FLT3: variants seen among roughly 807,000 people sequenced by gnomAD.
FLT3 encodes the protein receptor-type tyrosine-protein kinase FLT3.
A neutral mutation model predicts 126.6 loss-of-function variants in FLT3; 46 were observed. That is an observed-to-expected ratio of 0.36 (90% CI 0.29 to 0.46). FLT3 has a LOEUF of 0.46. FLT3 is among the 20% of genes least tolerant of loss of function. The pLI, the probability that FLT3 is intolerant of heterozygous loss-of-function variation, is 1.00. For missense variants in FLT3, 1,069 were observed against 1,190.3 expected, an observed-to-expected ratio of 0.90 and a Z score of 1.50; for synonymous variants, 404 against 434.4, an observed-to-expected ratio of 0.93 and a Z score of 0.87.
At chr13:28,082,127 A>C (rs1878364269) in intron 1 of FLT3, among the ~76,000 whole-genome samples, 1 of 150,140 alleles carries the variant, frequency 6.7e-6, no homozygotes. Flanking sequence ...AAGTGCTGGG[A>C]TTATAGGCGT....
chr13:28,019,247 G>A (rs572941377), intron 19 of FLT3, among the ~76,000 whole-genome samples: 6 of 152,268 alleles, frequency 3.9e-5, no homozygotes, highest in South Asian at 2.1e-4. Context: ...GATTGCAGGC[G>A]TGAGCCACCG....
In FLT3 at chr13:28,015,179, G is replaced by A; in HGVS notation, c.2731C>T (p.Pro911Ser). The change falls in exon 22 of 24, where the codon CCA (proline) becomes TCA (serine). Residue 911 changes from proline (P) to serine (S), a missense_variant. By Grantham distance (74) the Pro-to-Ser change is moderately conservative. Transcript: ENST00000241453. ...TACATTTCTTCTGTAGCATAAAATG[G>A]CTGATCCATTTTAAATCCATTTTGA... ...LIQNGFKMDQ[P>S]FYATEEIYII... The A allele has an allele frequency of 6.2e-7, 1 of 1,605,580 alleles. No homozygotes were observed.
At chr13:28,034,944 C>A (rs367967139) in intron 12 of FLT3, among the ~76,000 whole-genome samples, 18 of 149,126 alleles carry the variant, frequency 1.2e-4, no homozygotes, top group African/African-American at 9.9e-5. Flanking sequence ...GTCTCCATCT[C>A]AAAAAAAAAA....
At position 28,036,164 on chromosome 13, in the gene FLT3, C is replaced by G. The variant is rs190701019; in HGVS notation, c.1310-121G>C. ...CTTGGGCCAAGGAGTTCAAGACCAG[C>G]CTGGGCAACACAGCAAGACCCTGTC... is the stretch of plus-strand genomic sequence containing the variant. On this transcript the variant is annotated intron_variant, in intron 10 of 23. Coordinates refer to ENST00000241453, the MANE Select transcript of FLT3 (RefSeq NM_004119.3). The G allele has an allele frequency of 2.5e-3, 1,908 of 754,666 alleles. 8 individuals carry two copies. The highest frequency in any genetic ancestry group is 2.5e-3 in the Non-Finnish European group (1,051 of 422,764). 46.7% of individuals were successfully genotyped at this position (754,666 alleles called of 1,614,324 possible). A position where few individuals can be genotyped will look rare whatever the true frequency, so the allele number is the denominator to read the frequency against.
chr13:28,073,146 G>A (rs1305747712), intron 1 of FLT3, among the ~76,000 whole-genome samples: 1 of 152,048 alleles, frequency 6.6e-6, no homozygotes, highest in South Asian at 2.1e-4. Context: ...TTTGAGACCA[G>A]CCTGGGCAAC....
At chr13:28,077,874 C>T (rs542281550) in intron 1 of FLT3, among the ~76,000 whole-genome samples, 1 of 152,134 alleles carries the variant, frequency 6.6e-6, no homozygotes, top group African/African-American at 2.4e-5. Context: ...GAGAAATTGG[C>T]CAAAACAAAG....
At chr13:28,059,667 T>A (rs1253746644) in intron 3 of FLT3, among the ~76,000 whole-genome samples, 3 of 152,162 alleles carry the variant, frequency 2.0e-5, no homozygotes, top group East Asian at 1.9e-4. Context: ...AATTTTTTTT[T>A]AAAGAATTTC....
At chr13:28,098,578 A>C (rs1445175442) in intron 1 of FLT3, among the ~76,000 whole-genome samples, 1 of 152,170 alleles carries the variant, frequency 6.6e-6, no homozygotes, top group Non-Finnish European at 1.5e-5. Flanking sequence ...ACCAAACCTG[A>C]ACATATCCCT....
chr13:28,036,122 C>T, intron 10 of FLT3, 79 bp from the exon 11 acceptor site: 1 of 1,218,746 alleles, frequency 8.2e-7, no homozygotes, highest in Non-Finnish European at 1.2e-6. Flanking sequence ...CTTTGTGAAG[C>T]CAAGGTGGGA....
At chr13:28,015,781 A>T in intron 20 of FLT3, 80 bp from the exon 21 acceptor site, 1 of 829,418 alleles carries the variant, frequency 1.2e-6, no homozygotes, top group Non-Finnish European at 2.1e-6. Flanking sequence ...TTAAGATGAA[A>T]TGCATCATCT....
intron 2 of FLT3, among the ~76,000 whole-genome samples, chr13:28,064,908 A>C (rs1302938946): frequency 1.3e-5 from 2 of 152,206 alleles, no homozygotes. Context: ...TCATAATTGC[A>C]AAATACTGAA....
At chr13:28,035,861 G>A (rs1315080516) in intron 11 of FLT3, 74 bp downstream of exon 11, 35 of 1,284,864 alleles carry the variant, frequency 2.7e-5, no homozygotes, top group Non-Finnish European at 3.0e-5. Flanking sequence ...CTCTTAAACT[G>A]TATTCATGAA....
intron 1 of FLT3, among the ~76,000 whole-genome samples, chr13:28,073,776 T>C (rs956112871): frequency 6.9e-6 from 1 of 144,270 alleles, no homozygotes; most frequent in African/African-American, 2.5e-5. Context: ...TCTACAAAAA[T>C]TTGTTTTTAA....
Position 28,100,135 on chromosome 13 carries a change from G to C in FLT3, c.43+333C>G, listed in dbSNP as rs916419050. 2.4e-4 allele frequency among the ~76,000 whole-genome samples: 36 copies of C among 152,102 alleles called. No homozygotes were observed. Among genetic ancestry groups the C allele is most frequent in the African/African-American group, 8.0e-4 (33 of 41,444 alleles). ...GACTCCCACGGACGGCCCAGCACCC[G>C]AGCGCGCGGGCCGAGCTGCCCCAGA... On this transcript the variant is annotated intron_variant, in intron 1 of 23. Transcript: ENST00000241453. This position sits in a 1 kb window ranked among gnomAD's most constrained non-coding sequence, Gnocchi z 4.8.
Position 28,049,526 on chromosome 13 carries a change from A to C in FLT3, c.894T>G (p.Phe298Leu), listed in dbSNP as rs377689782. The change falls in exon 8 of 24, where the codon TTT becomes TTG. Residue 298 changes from phenylalanine to leucine, a missense_variant. Physicochemically the swap from Phe to Leu is conservative, Grantham distance 22. Coordinates refer to ENST00000241453, the MANE Select transcript of FLT3 (RefSeq NM_004119.3). ...ENKALEEGNY[F>L]EMSTYSTNRT... is the part of the protein sequence containing the mutation. The stretch of plus-strand genomic sequence containing the variant: ...TGTTTGTTGAATAGGTACTCATCTC[A>C]AAGTAGTTGCCCTAGGTTTTAATAA... The C allele has an allele frequency of 1.1e-5, 18 of 1,613,664 alleles. No individual in the cohort carries two copies. In the African/African-American group the frequency reaches 2.4e-4, roughly 22 times the overall value.
Position 28,070,565 on chromosome 13 carries a change from G to T in FLT3, c.91C>A (p.Pro31Thr). The T allele has an allele frequency of 6.2e-7, 1 of 1,602,510 alleles. No individual in the cohort carries two copies. The highest frequency in any genetic ancestry group is 8.5e-7 in the Non-Finnish European group (1 of 1,170,200). ...TTGATTAAAACACACTTGATCACAG[G>T]CAGATCTTGATTTGTAATAGTCCCA... ...IFGTITNQDLPVIKCVLINHK... is the reference protein window; with the variant it reads ...IFGTITNQDLTVIKCVLINHK... The change falls in exon 2 of 24, where the codon CCT becomes ACT. Residue 31 changes from proline (P) to threonine (T), a missense_variant. Coordinates refer to ENST00000241453, the MANE Select transcript of FLT3 (RefSeq NM_004119.3).
In FLT3 at chr13:28,081,844, C is replaced by CTTT. The variant is rs35243277; in HGVS notation, c.44-11235_44-11233dup. Among the ~76,000 whole-genome samples the CTTT allele has an allele frequency of 5.5e-4, 36 of 64,988 alleles. 6 individuals are homozygous for CTTT. The highest frequency in any genetic ancestry group is 1.9e-3 in the African/African-American group (27 of 14,412). 42.6% of individuals were successfully genotyped at this position (64,988 alleles called of 152,430 possible). A position where few individuals can be genotyped will look rare whatever the true frequency, so the allele number is the denominator to read the frequency against. On this transcript the variant is annotated intron_variant, in intron 1 of 23. Transcript: ENST00000241453. ...TTACTTTGATTTTTTTACTTTGATT[C>CTTT]TTTTTTTTTTTTTTTTTTTTTTTTT...
intron 4 of FLT3, among the ~76,000 whole-genome samples, chr13:28,055,524 C>T (rs554552035): frequency 1.3e-5 from 2 of 152,330 alleles, no homozygotes; most frequent in East Asian, 1.9e-4. Context: ...AACCATGCCA[C>T]GCTGGTGGTT....
intron 15 of FLT3, among the ~76,000 whole-genome samples, chr13:28,030,955 G>A (rs947827697): frequency 5.0e-4 from 76 of 151,910 alleles, no homozygotes; most frequent in African/African-American, 1.6e-3. Flanking sequence ...GGCTGGGCAC[G>A]GTGGCTCATG....
Sources: gnomAD v4.1 joint callset for allele counts (sites outside exome capture counted in the v4.1 genomes callset) on GRCh38, gnomAD v4.1.1 for gene constraint, Gnocchi (gnomAD v3.1) non-coding constraint, MANE v1.5 for transcripts, NCBI Gene and HGNC (gene_info 2026-07-23, HGNC 2026-07-21) for gene names.